The following STOX2 variants were observed in gnomAD, a reference collection of about 807,000 sequenced individuals.
STOX2 encodes storkhead-box protein 2.
In STOX2, 28 loss-of-function variants were observed where a neutral mutation model predicts 60.9. That is an observed-to-expected ratio of 0.46 (90% confidence interval 0.34 to 0.63). The LOEUF (loss-of-function observed/expected upper bound fraction) is 0.63, where lower values mean the gene tolerates loss of function less well. Among genes scored for constraint, STOX2 ranks in the 30% least tolerant of loss-of-function variants. The probability of loss-of-function intolerance (pLI) is 0.01; values close to 1 mark genes in which losing one functional copy is unlikely to be tolerated. For synonymous variants in STOX2, 472 were observed against 463.9 expected (o/e 1.02, Z -0.22); for missense variants, 1,024 against 1,187.7 (o/e 0.86, Z 2.03).
At chr4:183,829,718 T>C (rs1739522284) in intron 1 of STOX2, among the ~76,000 whole-genome samples, 1 of 152,232 alleles carries the variant, frequency 6.6e-6, no homozygotes, top group African/African-American at 2.4e-5. Context: ...CCTGTAATTT[T>C]AAGCCAGCTC....
At position 183,865,259 on chromosome 4, in the gene STOX2, A is replaced by G. The variant is rs958054698; in HGVS notation, c.364+67204A>G. 3.9e-5 allele frequency among the ~76,000 whole-genome samples: 6 copies of G among 152,132 alleles called. No homozygotes were observed. The highest frequency in any genetic ancestry group is 1.2e-4 in the African/African-American group (5 of 41,408). On this transcript the variant is annotated intron_variant, in intron 1 of 2. Coordinates refer to the STOX2 transcript ENST00000513034. The surrounding 1 kb of genome is among the most constrained non-coding windows in gnomAD (Gnocchi z 4.1). Reference sequence around the variant, plus strand: ...CCATTGAATGAAAAAAATAGTTTATATTTTGTTTTGAAATCTGATTATTTA... The same window carrying G: ...CCATTGAATGAAAAAAATAGTTTATGTTTTGTTTTGAAATCTGATTATTTA...
chr4:183,938,731 A>G (rs923725544), intron 1 of STOX2, among the ~76,000 whole-genome samples: 8 of 151,062 alleles, frequency 5.3e-5, no homozygotes, highest in Non-Finnish European at 8.8e-5. Context: ...TTCAAATGCC[A>G]TTGCTCCTGT....
chr4:183,874,989 AT>A lies in STOX2; in HGVS notation c.364+76935del, dbSNP rs1560857926. On this transcript the variant is annotated intron_variant, in intron 1 of 2. Coordinates refer to the STOX2 transcript ENST00000513034. Reference sequence around the variant, plus strand: ...TATATATATATATATATATATATATATATAAAACTTAGAATTTTGCAGTGTG... The same window carrying A: ...TATATATATATATATATATATATATAATAAAACTTAGAATTTTGCAGTGTG... Among the ~76,000 whole-genome samples, 39 of 98,580 alleles carry A rather than the reference AT, an allele frequency of 4.0e-4. 1 individual carries two copies. Among genetic ancestry groups the A allele is most frequent in the African/African-American group, 1.5e-3 (34 of 22,546 alleles). 64.7% of individuals were successfully genotyped at this position (98,580 alleles called of 152,430 possible). A position where few individuals can be genotyped will look rare whatever the true frequency, so the allele number is the denominator to read the frequency against.
chr4:183,996,532 C>A (rs1438873051), intron 1 of STOX2, among the ~76,000 whole-genome samples: 2 of 152,050 alleles, frequency 1.3e-5, no homozygotes, highest in Non-Finnish European at 2.9e-5. Flanking sequence ...TAAATGTGGT[C>A]CGGTAGTTGG....
chr4:183,872,124 T>C (rs1300916063), intron 1 of STOX2, among the ~76,000 whole-genome samples: 1 of 152,186 alleles, frequency 6.6e-6, no homozygotes, highest in Non-Finnish European at 1.5e-5. Context: ...GGCGCAATCT[T>C]GGCTCACTGC....
chr4:183,818,078 TTTC>T (rs2111107152), intron 1 of STOX2, among the ~76,000 whole-genome samples: 1 of 151,056 alleles, frequency 6.6e-6, no homozygotes, highest in East Asian at 2.0e-4. Flanking sequence ...TTTTTCTTTT[TTTC>T]TTTTCTTTTT....
intron 1 of STOX2, among the ~76,000 whole-genome samples, chr4:183,874,762 TA>T (rs1740774344): frequency 6.7e-6 from 1 of 148,780 alleles, no homozygotes. Flanking sequence ...CCGTCTCTAG[TA>T]AAAATACAAA....
chr4:183,833,962 ACAGAGT>A (rs1473113997), intron 1 of STOX2, among the ~76,000 whole-genome samples: 3 of 142,378 alleles, frequency 2.1e-5, no homozygotes, highest in Admixed American at 7.9e-5. Context: ...AGCCTGGGCG[ACAGAGT>A]GAGACTCCGT....
chr4:183,876,378 CCAGCTTTGGCT>C (rs1350168394), intron 1 of STOX2, among the ~76,000 whole-genome samples: 1 of 152,154 alleles, frequency 6.6e-6, no homozygotes, highest in Non-Finnish European at 1.5e-5. Flanking sequence ...GGGGGAGATG[CCAGCTTTGGCT>C]CAGCCTCCTG....
intron 1 of STOX2, among the ~76,000 whole-genome samples, chr4:183,839,318 G>A (rs1012521674): frequency 6.6e-6 from 1 of 152,208 alleles, no homozygotes; most frequent in Non-Finnish European, 1.5e-5. Context: ...GATCAAATAT[G>A]TGGGTACCGT....
chr4:183,932,620 G>A (rs1407364473), intron 1 of STOX2, among the ~76,000 whole-genome samples: 1 of 151,902 alleles, frequency 6.6e-6, no homozygotes, highest in Non-Finnish European at 1.5e-5. Flanking sequence ...TGTTATTTAG[G>A]GCTTTTAATC....
At chr4:183,850,228 C>T (rs947273820) in intron 1 of STOX2, among the ~76,000 whole-genome samples, 1 of 151,780 alleles carries the variant, frequency 6.6e-6, no homozygotes, top group African/African-American at 2.4e-5. Flanking sequence ...CTGCCTCGGC[C>T]TCCCAAAGTG....
intron 1 of STOX2, among the ~76,000 whole-genome samples, chr4:183,982,367 A>G (rs998142901): frequency 2.6e-5 from 4 of 152,240 alleles, no homozygotes; most frequent in Admixed American, 1.3e-4. Flanking sequence ...AGTGCAAGGA[A>G]ATCTTACCCA....
chr4:184,007,397 C>T (rs1372831346), intron 2 of STOX2, among the ~76,000 whole-genome samples: 1 of 152,200 alleles, frequency 6.6e-6, no homozygotes, highest in Non-Finnish European at 1.5e-5. Flanking sequence ...TGAAGGCAAT[C>T]TGGTTTTCCG....
Position 183,906,578 on chromosome 4 carries a change from G to A in STOX2, c.-213G>A. The A allele has an allele frequency of 1.8e-6, 1 of 548,348 alleles. No homozygotes were observed. The highest frequency in any genetic ancestry group is 3.2e-6 in the Non-Finnish European group (1 of 312,100). The allele number at this position is 548,348 out of a possible 1,614,324, so 34.0% of individuals were successfully genotyped here. On this transcript the variant is annotated 5_prime_UTR_variant, in exon 1 of 4. Coordinates refer to ENST00000308497, the MANE Select transcript of STOX2 (RefSeq NM_020225.3). ...GCAAATGAAGTGTAATGCATTGTGGGACGTGTGTAAAATCGGAGCCTTCGC... is the reference window on the plus strand; with the variant it reads ...GCAAATGAAGTGTAATGCATTGTGGAACGTGTGTAAAATCGGAGCCTTCGC...
chr4:183,885,914 C>A (rs184571253), intron 1 of STOX2, among the ~76,000 whole-genome samples: 21 of 152,280 alleles, frequency 1.4e-4, no homozygotes, highest in Admixed American at 3.3e-4. Flanking sequence ...AACTGTTGGC[C>A]GAGGGAGGGA....
At chr4:183,894,629 T>C (rs1010659658) in intron 1 of STOX2, among the ~76,000 whole-genome samples, 3 of 152,162 alleles carry the variant, frequency 2.0e-5, no homozygotes, top group Admixed American at 1.3e-4. Flanking sequence ...TGATATATGA[T>C]TTTAATTGTT....
chr4:183,931,523 A>ATTG (rs1176099424), intron 1 of STOX2, among the ~76,000 whole-genome samples: 2 of 152,294 alleles, frequency 1.3e-5, no homozygotes, highest in East Asian at 3.9e-4. Context: ...TGCAAGCAAT[A>ATTG]TATTAGTTGC....
intron 1 of STOX2, among the ~76,000 whole-genome samples, chr4:183,907,295 G>C (rs1382569502): frequency 6.6e-6 from 1 of 152,206 alleles, no homozygotes; most frequent in Admixed American, 6.5e-5. Context: ...TGCAGTGCCA[G>C]GCTTGCTGGC....
Sources: gnomAD v4.1 joint callset for allele counts (sites outside exome capture counted in the v4.1 genomes callset) on GRCh38, gnomAD v4.1.1 for gene constraint, Gnocchi (gnomAD v3.1) non-coding constraint, MANE v1.5 for transcripts, NCBI Gene and HGNC (gene_info 2026-07-23, HGNC 2026-07-21) for gene names.